Variants in RASSF5 observed in about 807,000 individuals in gnomAD.
RASSF5 encodes ras association domain-containing protein 5.
In RASSF5, 25 loss-of-function variants were observed where a neutral mutation model predicts 40.5. The observed-to-expected ratio is 0.62, with a 90% CI of 0.45 to 0.86. RASSF5 has a LOEUF of 0.86. Ranked by LOEUF, RASSF5 falls within the 40% of genes least tolerant of loss-of-function variation. RASSF5 has a pLI of 0.00. For synonymous variants in RASSF5, 246 were observed against 252.4 expected, an observed-to-expected ratio of 0.97 and a Z score of 0.24; for missense variants, 521 against 572.8, an observed-to-expected ratio of 0.91 and a Z score of 0.92.
chr1:206,515,391 C>T (rs987935848), intron 1 of RASSF5, among the ~76,000 whole-genome samples: 45 of 152,314 alleles, frequency 3.0e-4, no homozygotes, highest in African/African-American at 1.1e-3. Flanking sequence ...TCTCTCCCCG[C>T]TCCCACCTCA....
At chr1:206,536,511 T>G (rs1667415761) in intron 1 of RASSF5, among the ~76,000 whole-genome samples, 1 of 151,978 alleles carries the variant, frequency 6.6e-6, no homozygotes, top group Non-Finnish European at 1.5e-5. Flanking sequence ...GTCCAGGTGC[T>G]TATCTTTGGG....
chr1:206,549,132 C>G (rs2103532074), intron 2 of RASSF5, among the ~76,000 whole-genome samples: 1 of 152,030 alleles, frequency 6.6e-6, no homozygotes, highest in Admixed American at 6.6e-5. Flanking sequence ...TCTCAAAGTG[C>G]TGAGATTACA....
intron 1 of RASSF5, among the ~76,000 whole-genome samples, chr1:206,533,050 G>A (rs529736462): frequency 1.1e-4 from 17 of 152,310 alleles, no homozygotes; most frequent in African/African-American, 4.1e-4. Flanking sequence ...GGGGAGGTTT[G>A]TAGCTTCTAA....
At chr1:206,508,176 CCCGAACAT>C in intron 1 of RASSF5, 117 bp downstream of exon 1, 1 of 798,066 alleles carries the variant, frequency 1.3e-6, no homozygotes, top group Non-Finnish European at 1.8e-6. Context: ...CCAGGGGAGC[CCCGAACAT>C]AAGGAGATAA....
chr1:206,534,655 G>A (rs925953070), intron 1 of RASSF5, among the ~76,000 whole-genome samples: 1 of 152,186 alleles, frequency 6.6e-6, no homozygotes, highest in Admixed American at 6.5e-5. Context: ...AGCTTCCTAG[G>A]TCTGTGCCAC....
chr1:206,514,020 A>G (rs1553395055), intron 1 of RASSF5, among the ~76,000 whole-genome samples: 1 of 151,774 alleles, frequency 6.6e-6, no homozygotes, highest in African/African-American at 2.4e-5. Flanking sequence ...GACCCCAAGA[A>G]CTCTCCATGG....
intron 1 of RASSF5, among the ~76,000 whole-genome samples, chr1:206,526,334 G>A (rs1405453455): frequency 6.8e-6 from 1 of 146,634 alleles, no homozygotes; most frequent in African/African-American, 2.5e-5. Context: ...GGGAGCAGTT[G>A]TGTGCCTCCA....
intron 2 of RASSF5, among the ~76,000 whole-genome samples, chr1:206,567,942 G>A (rs1668330334): frequency 6.6e-6 from 1 of 152,104 alleles, no homozygotes; most frequent in Non-Finnish European, 1.5e-5. Flanking sequence ...ATGTGCCCAG[G>A]GTCACATAAT....
At chr1:206,583,135 C>A in intron 2 of RASSF5, 134 bp from the exon 3 acceptor site, 1 of 636,472 alleles carries the variant, frequency 1.6e-6, no homozygotes, top group East Asian at 2.8e-5. Context: ...CACTCCGAGT[C>A]CGTGCAGTTA....
chr1:206,524,111 T>A (rs1667020782), intron 1 of RASSF5, among the ~76,000 whole-genome samples: 1 of 132,764 alleles, frequency 7.5e-6, no homozygotes, highest in Non-Finnish European at 1.5e-5. Context: ...TATAATATAT[T>A]TTATATATTA....
chr1:206,563,198 C>A (rs1668194662), intron 2 of RASSF5, among the ~76,000 whole-genome samples: 1 of 152,146 alleles, frequency 6.6e-6, no homozygotes, highest in African/African-American at 2.4e-5. Flanking sequence ...CGTGGCCACA[C>A]CTAACCACAG....
At chr1:206,525,232 C>T (rs1401597684) in intron 1 of RASSF5, among the ~76,000 whole-genome samples, 1 of 151,756 alleles carries the variant, frequency 6.6e-6, no homozygotes, top group Non-Finnish European at 1.5e-5. Context: ...CCCACCCACA[C>T]CCACCCACGT....
intron 2 of RASSF5, among the ~76,000 whole-genome samples, chr1:206,564,623 T>C (rs565289537): frequency 1.3e-5 from 2 of 152,300 alleles, no homozygotes; most frequent in African/African-American, 2.4e-5. Flanking sequence ...TCTCTTCTCT[T>C]CTGCTCTTCA....
intron 1 of RASSF5, among the ~76,000 whole-genome samples, chr1:206,526,089 G>A (rs1553397153): frequency 1.3e-5 from 2 of 152,272 alleles, no homozygotes; most frequent in South Asian, 4.1e-4. Flanking sequence ...GAACCAAACT[G>A]GAGCTTGCTC....
chr1:206,585,488 G>C, intron 5 of RASSF5, 193 bp downstream of exon 5: 1 of 528,332 alleles, frequency 1.9e-6, no homozygotes, highest in Non-Finnish European at 3.4e-6. Flanking sequence ...ACACCCTGGG[G>C]TAGCACATTA....
At chr1:206,565,079 A>G (rs1025523191) in intron 2 of RASSF5, among the ~76,000 whole-genome samples, 1 of 152,102 alleles carries the variant, frequency 6.6e-6, no homozygotes, top group Non-Finnish European at 1.5e-5. Context: ...CCTTAAATTT[A>G]GTATGTCCAG....
chr1:206,534,165 A>C (rs992984776), intron 1 of RASSF5, among the ~76,000 whole-genome samples: 4 of 152,180 alleles, frequency 2.6e-5, no homozygotes, highest in African/African-American at 9.7e-5. Context: ...TTGGCCCTCC[A>C]TCCCAGCTCC....
chr1:206,525,701 C>T (rs1553397099), intron 1 of RASSF5, among the ~76,000 whole-genome samples: 3 of 152,236 alleles, frequency 2.0e-5, no homozygotes, highest in African/African-American at 7.2e-5. Flanking sequence ...ATCCTCCTGC[C>T]TCAGCCTCCC....
In RASSF5 at chr1:206,584,438, C is replaced by G; in HGVS notation, c.742C>G (p.Arg248Gly). Residue 248 changes from arginine to glycine, a missense_variant, in exon 4 of 6, where the codon CGG becomes GGG. This residue lies in a region of RASSF5 where 284 missense variants were observed against 360.8 expected (regional missense o/e 0.79). Coordinates refer to ENST00000579436, the MANE Select transcript of RASSF5 (RefSeq NM_182663.4). This position sits in a 1 kb window ranked among gnomAD's most constrained non-coding sequence, Gnocchi z 4.9. Reference protein sequence around the residue: ...GFIKVHLKLRRPVTVPAGIRP... With the variant: ...GFIKVHLKLRGPVTVPAGIRP... ...CATCAAAGTGCATCTGAAACTCCGGCGGCCTGTGACGGTGCCTGCTGGGAT... is the reference window on the plus strand; with the variant it reads ...CATCAAAGTGCATCTGAAACTCCGGGGGCCTGTGACGGTGCCTGCTGGGAT... The G allele has an allele frequency of 1.2e-6, 2 of 1,614,062 alleles. No individual in the cohort carries two copies. The highest frequency in any genetic ancestry group is 1.1e-5 in the South Asian group (1 of 91,076).
Sources: allele counts gnomAD v4.1 joint callset (sites outside exome capture counted in the v4.1 genomes callset), GRCh38; gene constraint gnomAD v4.1.1; regional missense constraint gnomAD v4.1.1; non-coding constraint Gnocchi (gnomAD v3.1); transcripts MANE v1.5; gene names NCBI Gene and HGNC (gene_info 2026-07-23, HGNC 2026-07-21).